The following SLC36A1 variants were observed in gnomAD, a reference collection of about 807,000 sequenced individuals.
The protein encoded by SLC36A1 is proton-coupled amino acid transporter 1.
In SLC36A1, 30 loss-of-function variants were observed where a neutral mutation model predicts 47.5. The ratio of observed to expected loss-of-function variants is 0.63; its 90% CI spans 0.47 to 0.86. The LOEUF is 0.86. Ranked by LOEUF, SLC36A1 falls within the 40% of genes least tolerant of loss-of-function variation. SLC36A1 has a pLI of 0.00. For missense variants in SLC36A1, 517 were observed against 606.0 expected (o/e 0.85, Z 1.54); for synonymous variants, 255 against 249.7 (o/e 1.02, Z -0.20).
At chr5:151,380,747 GC>G in the SLC36A1 span, 1 of 542,176 alleles carries the variant, frequency 1.8e-6, no homozygotes, top group Admixed American at 1.9e-5. Context: ...GAAGTGGGAA[GC>G]CCCTTGCAGA....
the SLC36A1 span, among the ~76,000 whole-genome samples, chr5:151,401,142 A>G: frequency 6.6e-6 from 1 of 152,148 alleles, no homozygotes; most frequent in African/African-American, 2.4e-5. Flanking sequence ...TATGATTTTT[A>G]TAGTTTCAGG....
chr5:151,454,645 A>G (rs1422234408), intron 1 of SLC36A1, among the ~76,000 whole-genome samples: 5 of 150,856 alleles, frequency 3.3e-5, no homozygotes, highest in Admixed American at 6.6e-5. Flanking sequence ...TTGACTCTCC[A>G]CGTACTGATC....
At chr5:151,545,614 A>C in the SLC36A1 span, 1 of 1,614,122 alleles carries the variant, frequency 6.2e-7, no homozygotes. Flanking sequence ...ATAGACACAG[A>C]ATTGGAAAGA....
the SLC36A1 span, among the ~76,000 whole-genome samples, chr5:151,356,188 A>C: frequency 1.3e-5 from 2 of 151,522 alleles, no homozygotes; most frequent in Non-Finnish European, 2.9e-5. Context: ...AAAATACAAA[A>C]ACTGGCTGGG....
the SLC36A1 span, among the ~76,000 whole-genome samples, chr5:151,553,813 A>G: frequency 6.6e-6 from 1 of 152,192 alleles, no homozygotes; most frequent in African/African-American, 2.4e-5. Context: ...TCCTCACAAT[A>G]ACCTTGGAAG....
At chr5:151,522,188 G>A in the SLC36A1 span, 10 of 931,364 alleles carry the variant, frequency 1.1e-5, no homozygotes, top group South Asian at 1.9e-5. Flanking sequence ...TCTGCCCCAC[G>A]CCCAACTTGA....
chr5:151,428,855 A>G, the SLC36A1 span, among the ~76,000 whole-genome samples: 2 of 152,014 alleles, frequency 1.3e-5, no homozygotes, highest in Non-Finnish European at 2.9e-5. Context: ...CTGGTCTCGA[A>G]CTCCTGACTT....
intron 9 of SLC36A1, among the ~76,000 whole-genome samples, chr5:151,477,191 A>C (rs28400419): frequency 0.047 from 7,161 of 151,926 alleles, 526 homozygotes; most frequent in African/African-American, 0.16. Flanking sequence ...GTCCTTTTGT[A>C]CCTCCCTTGC....
chr5:151,542,710 A>G, the SLC36A1 span: 1 of 1,614,234 alleles, frequency 6.2e-7, no homozygotes, highest in South Asian at 1.1e-5. Flanking sequence ...ATTCTCAGTG[A>G]GGACAGCCTT....
At chr5:151,371,683 C>A in the SLC36A1 span, among the ~76,000 whole-genome samples, 1 of 152,130 alleles carries the variant, frequency 6.6e-6, no homozygotes, top group Non-Finnish European at 1.5e-5. Context: ...GGATGTGTAA[C>A]AAGGCTAGTG....
At chr5:151,406,555 G>A in the SLC36A1 span, 1 of 152,124 alleles carries the variant, frequency 6.6e-6, no homozygotes, top group African/African-American at 2.4e-5. Flanking sequence ...TGGCGTCTGG[G>A]ATTTCTTGAA....
chr5:151,403,042 T>C, the SLC36A1 span, among the ~76,000 whole-genome samples: 1 of 152,166 alleles, frequency 6.6e-6, no homozygotes, highest in Non-Finnish European at 1.5e-5. Context: ...TCTTTTCTTC[T>C]GCTAGCTTTG....
intron 1 of SLC36A1, among the ~76,000 whole-genome samples, chr5:151,458,334 GGGA>G (rs1561738132): frequency 0.074 from 7,413 of 100,732 alleles, 210 homozygotes; most frequent in African/African-American, 0.088. Context: ...ATATATATAT[GGGA>G]TATTTATATA....
chr5:151,480,532 C>T (rs1326410622), intron 10 of SLC36A1, among the ~76,000 whole-genome samples: 1 of 152,208 alleles, frequency 6.6e-6, no homozygotes, highest in Non-Finnish European at 1.5e-5. Flanking sequence ...TATATAGAAA[C>T]AGCCCACGCA....
the SLC36A1 span, chr5:151,507,705 C>G: frequency 8.7e-7 from 1 of 1,150,964 alleles, no homozygotes; most frequent in Non-Finnish European, 1.2e-6. Flanking sequence ...CTGCTCCCCC[C>G]AAAACCTACC....
At chr5:151,461,259 G>A (rs1755468027) in intron 2 of SLC36A1, among the ~76,000 whole-genome samples, 1 of 151,004 alleles carries the variant, frequency 6.6e-6, no homozygotes, top group Non-Finnish European at 1.5e-5. Context: ...CAAAGTGCTT[G>A]GATTATAGGC....
Position 151,440,962 on chromosome 5 carries a change from C to T in SLC36A1, c.-6+3783C>T, listed in dbSNP as rs77237812. On this transcript the variant is annotated intron_variant, in intron 1 of 8. Coordinates refer to the SLC36A1 transcript ENST00000429484. ...CCTTTAGGGCAGTGGTTCTACAGCA[C>T]GAGAGAGCATCAGACTCTCCTAGAG... 3.4e-3 allele frequency among the ~76,000 whole-genome samples: 512 copies of T among 152,316 alleles called. 2 individuals carry two copies. The highest frequency in any genetic ancestry group is 0.011 in the African/African-American group (477 of 41,574).
At chr5:151,486,264 G>A (rs978135496) in intron 10 of SLC36A1, among the ~76,000 whole-genome samples, 2 of 152,066 alleles carry the variant, frequency 1.3e-5, no homozygotes, top group Non-Finnish European at 2.9e-5. Context: ...CTCAGGGAGG[G>A]CCCCAAGTCA....
At chr5:151,509,405 C>T in the SLC36A1 span, 1 of 152,364 alleles carries the variant, frequency 6.6e-6, no homozygotes, top group Non-Finnish European at 1.5e-5. Context: ...ACCCCTGGGT[C>T]ACGGACCCAT....
Sources: allele counts gnomAD v4.1 joint callset (sites outside exome capture counted in the v4.1 genomes callset), GRCh38; gene constraint gnomAD v4.1.1; transcripts MANE v1.5; gene names NCBI Gene and HGNC (gene_info 2026-07-23, HGNC 2026-07-21).